TINAG: variants seen among roughly 807,000 people sequenced by gnomAD.
TINAG encodes the protein tubulointerstitial nephritis antigen.
A neutral mutation model predicts 72.7 loss-of-function variants in TINAG; 83 were observed. That is an observed-to-expected ratio of 1.14 (90% CI 0.96 to 1.37). TINAG has a LOEUF of 1.37. Among genes scored for constraint, TINAG ranks in the 40% most tolerant of loss-of-function variants. The pLI is 0.00. For synonymous variants in TINAG, 234 were observed against 189.9 expected (o/e 1.23, Z -1.91); for missense variants, 685 against 576.6 (o/e 1.19, Z -1.93).
Position 54,343,374 on chromosome 6 carries a change from C to T in TINAG, c.748+25C>T, listed in dbSNP as rs146892066. The T allele has an allele frequency of 5.4e-4, 804 of 1,475,922 alleles. 1 individual carries two copies. The African/African-American group carries it at 9.0e-3, about 17-fold the overall frequency. 91.4% of individuals were successfully genotyped at this position (1,475,922 alleles called of 1,614,324 possible). ...AGTAATAAAGTCATTTTAATTCCTT[C>T]CTTATAAACTACTCCTTTTGGCTCT... On this transcript the variant is annotated intron_variant, in intron 5 of 10. Coordinates refer to ENST00000259782, the MANE Select transcript of TINAG (RefSeq NM_014464.4).
chr6:54,347,343 T>G (rs566721740), intron 5 of TINAG, 24 bp from the exon 6 acceptor site: 1 of 1,610,096 alleles, frequency 6.2e-7, no homozygotes, highest in African/African-American at 1.3e-5. Context: ...ATTTCAATAT[T>G]AATTGATATT....
intron 9 of TINAG, among the ~76,000 whole-genome samples, chr6:54,358,349 C>T (rs957241671): frequency 4.0e-5 from 6 of 151,736 alleles, no homozygotes; most frequent in African/African-American, 4.8e-5. Context: ...ACTAGAATGA[C>T]GTTCCATGAG....
intron 4 of TINAG, among the ~76,000 whole-genome samples, chr6:54,327,742 G>C (rs1784641560): frequency 1.3e-5 from 2 of 152,130 alleles, no homozygotes; most frequent in Non-Finnish European, 1.5e-5. Context: ...GTCTGAAATT[G>C]ACCTGGGACA....
At chr6:54,384,269 G>T (rs888626508) in intron 10 of TINAG, among the ~76,000 whole-genome samples, 1 of 152,036 alleles carries the variant, frequency 6.6e-6, no homozygotes, top group African/African-American at 2.4e-5. Context: ...GAGTTGATGG[G>T]TGCAGAAAAC....
At chr6:54,308,367 G>A (rs187183493), upstream of TINAG, 113 of 639,758 alleles carry the variant, frequency 1.8e-4, no homozygotes, top group Admixed American at 2.1e-4. Flanking sequence ...CATTATCTTG[G>A]TCAAACATTG....
intron 10 of TINAG, among the ~76,000 whole-genome samples, chr6:54,388,460 C>A (rs1764160890): frequency 6.6e-6 from 1 of 152,112 alleles, no homozygotes; most frequent in Admixed American, 6.6e-5. Context: ...GATGTCATGG[C>A]AATTTCTGAT....
At chr6:54,383,664 A>G (rs181783267) in intron 10 of TINAG, among the ~76,000 whole-genome samples, 146 of 152,252 alleles carry the variant, frequency 9.6e-4, no homozygotes, top group Admixed American at 2.0e-3. Context: ...AATACTATCA[A>G]TAGAAGCAAT....
rs896275661 is a variant in TINAG at position 54,390,032 on chromosome 6, T to C, written c.*107T>C. Reference sequence around the variant, plus strand: ...GTGGAATCTTTGTCTCTTCACCGTGTTAACATAATCTATCTATTTTCTTAT... The same window carrying C: ...GTGGAATCTTTGTCTCTTCACCGTGCTAACATAATCTATCTATTTTCTTAT... On this transcript the variant is annotated 3_prime_UTR_variant, in exon 11 of 11. Transcript: ENST00000259782. The C allele has an allele frequency of 7.0e-7, 1 of 1,436,118 alleles. No homozygotes were observed. Among genetic ancestry groups the C allele is most frequent in the Admixed American group, 2.3e-5 (1 of 44,338 alleles). The allele number at this position is 1,436,118 out of a possible 1,614,324, so 89.0% of individuals were successfully genotyped here. A position where few individuals can be genotyped will look rare whatever the true frequency, so the allele number is the denominator to read the frequency against.
At chr6:54,315,189 T>C (rs1380592109) in intron 1 of TINAG, among the ~76,000 whole-genome samples, 2 of 152,200 alleles carry the variant, frequency 1.3e-5, no homozygotes, top group Non-Finnish European at 2.9e-5. Flanking sequence ...ATGGGTATTG[T>C]TCAGTTCCTC....
At chr6:54,387,622 A>G (rs1259587742) in intron 10 of TINAG, among the ~76,000 whole-genome samples, 1 of 152,164 alleles carries the variant, frequency 6.6e-6, no homozygotes, top group East Asian at 1.9e-4. Context: ...CTAAGTGGAG[A>G]TTACATGAAC....
chr6:54,313,128 TAATAGAA>T (rs1784295557), intron 1 of TINAG, among the ~76,000 whole-genome samples: 1 of 152,174 alleles, frequency 6.6e-6, no homozygotes, highest in Non-Finnish European at 1.5e-5. Flanking sequence ...AATACATGTT[TAATAGAA>T]AATACACGTT....
chr6:54,358,148 C>T (rs1002193233), intron 9 of TINAG, among the ~76,000 whole-genome samples: 7 of 151,844 alleles, frequency 4.6e-5, no homozygotes, highest in Non-Finnish European at 7.4e-5. Context: ...CACCCAGTCT[C>T]TGGTCAGGTC....
chr6:54,364,630 G>T (rs1449943144), intron 9 of TINAG, among the ~76,000 whole-genome samples: 1 of 151,254 alleles, frequency 6.6e-6, no homozygotes, highest in Non-Finnish European at 1.5e-5. Context: ...AAATAAAAAA[G>T]TAATTATGTA....
At chr6:54,372,727 C>CACAT (rs1367446304) in intron 9 of TINAG, among the ~76,000 whole-genome samples, 12 of 133,956 alleles carry the variant, frequency 9.0e-5, no homozygotes, top group Non-Finnish European at 1.3e-4. Flanking sequence ...TAAATACATA[C>CACAT]ATATATATAT....
At position 54,349,790 on chromosome 6, in the gene TINAG, G is replaced by C; in HGVS notation, c.974G>C (p.Arg325Thr). 2 of 1,606,986 alleles carry C rather than the reference G, an allele frequency of 1.2e-6. No individual in the cohort carries two copies. The highest frequency in any genetic ancestry group is 1.7e-6 in the Non-Finnish European group (2 of 1,175,628). ...AACAATGGATGTGCCATGGCAAGCA[G>C]GTCTGATGGGCGAGGAAAACGGCAT... is the stretch of plus-strand genomic sequence containing the variant. ...ATNNGCAMASRSDGRGKRHAT... is the reference protein window; with the variant it reads ...ATNNGCAMASTSDGRGKRHAT... Residue 325 changes from arginine (R) to threonine (T), a missense_variant, in exon 7 of 11, where the codon AGG becomes ACG. Arg to Thr is a moderately conservative substitution (Grantham distance 71). Coordinates refer to ENST00000259782, the MANE Select transcript of TINAG (RefSeq NM_014464.4).
intron 2 of TINAG, 128 bp downstream of exon 2, chr6:54,320,770 T>C: frequency 1.6e-6 from 1 of 634,426 alleles, no homozygotes; most frequent in Non-Finnish European, 2.6e-6. Flanking sequence ...TCATAAGACA[T>C]CATGTACCTG....
At chr6:54,326,533 A>T (rs1784606375) in intron 3 of TINAG, among the ~76,000 whole-genome samples, 1 of 152,110 alleles carries the variant, frequency 6.6e-6, no homozygotes, top group South Asian at 2.1e-4. Flanking sequence ...GGCCTTATTA[A>T]CACTTAATCC....
intron 1 of TINAG, among the ~76,000 whole-genome samples, chr6:54,319,860 A>G (rs545029382): frequency 6.6e-6 from 1 of 152,288 alleles, no homozygotes; most frequent in Admixed American, 6.5e-5. Context: ...ATTTGAGCAG[A>G]TTATATTTTC....
At chr6:54,359,213 T>A (rs1376293992) in intron 9 of TINAG, among the ~76,000 whole-genome samples, 1 of 151,834 alleles carries the variant, frequency 6.6e-6, no homozygotes, top group Admixed American at 6.6e-5. Flanking sequence ...GTCTTAACAG[T>A]GTCACTGTAA....
Sources: allele counts gnomAD v4.1 joint callset (sites outside exome capture counted in the v4.1 genomes callset), GRCh38; gene constraint gnomAD v4.1.1; transcripts MANE v1.5; gene names NCBI Gene and HGNC (gene_info 2026-07-23, HGNC 2026-07-21).